Variants in MEGF11 observed in about 807,000 individuals in gnomAD.
The protein encoded by MEGF11 is multiple EGF like domains 11.
MEGF11 carries 126 observed loss-of-function variants against 146.6 expected under a neutral mutation model. That is an observed-to-expected ratio of 0.86 (90% CI 0.74 to 1.00). The LOEUF (loss-of-function observed/expected upper bound fraction) is 1.00. Ranked by LOEUF, MEGF11 falls within the 50% of genes least tolerant of loss-of-function variation. MEGF11 has a pLI of 0.00. For synonymous variants in MEGF11, 532 were observed against 583.4 expected, an observed-to-expected ratio of 0.91 and a Z score of 1.27; for missense variants, 1,509 against 1,521.2, an observed-to-expected ratio of 0.99 and a Z score of 0.13.
At chr15:66,173,210 C>G (rs548585851) in intron 1 of MEGF11, among the ~76,000 whole-genome samples, 1 of 152,334 alleles carries the variant, frequency 6.6e-6, no homozygotes, top group African/African-American at 2.4e-5. Context: ...TAGACCATCT[C>G]TACCACAAGC....
chr15:65,996,805 C>T (rs1028545982), intron 5 of MEGF11, among the ~76,000 whole-genome samples: 9 of 152,156 alleles, frequency 5.9e-5, no homozygotes, highest in African/African-American at 1.4e-4. Flanking sequence ...TTCCACAGCA[C>T]CTCTATGCTG....
chr15:66,221,009 A>G (rs112352240), intron 1 of MEGF11, among the ~76,000 whole-genome samples: 6 of 152,152 alleles, frequency 3.9e-5, no homozygotes, highest in Admixed American at 2.6e-4. Flanking sequence ...ATTAATGTCA[A>G]TTTCCTGGTT....
intron 4 of MEGF11, among the ~76,000 whole-genome samples, chr15:66,094,830 GCT>G (rs1366944619): frequency 6.6e-6 from 1 of 152,032 alleles, no homozygotes; most frequent in Admixed American, 6.5e-5. Flanking sequence ...CCACACCCCT[GCT>G]CTCTTTCCCC....
chr15:66,231,011 C>G (rs1384803095), intron 1 of MEGF11, among the ~76,000 whole-genome samples: 2 of 152,158 alleles, frequency 1.3e-5, no homozygotes, highest in Admixed American at 6.5e-5. Context: ...ACACCACTTC[C>G]TTAGGATGTT....
At chr15:65,906,264 G>A in intron 23 of MEGF11, 123 bp from the exon 24 acceptor site, 1 of 653,746 alleles carries the variant, frequency 1.5e-6, no homozygotes, top group Non-Finnish European at 2.6e-6. Context: ...ATAAATAGTT[G>A]TTTATTGCTA....
chr15:65,941,766 C>T (rs1260334638), intron 10 of MEGF11, among the ~76,000 whole-genome samples: 2 of 152,214 alleles, frequency 1.3e-5, no homozygotes, highest in East Asian at 1.9e-4. Flanking sequence ...AATCTAAAAT[C>T]TCTGGAGATG....
At chr15:66,202,057 G>C (rs2091175018) in intron 1 of MEGF11, among the ~76,000 whole-genome samples, 2 of 149,984 alleles carry the variant, frequency 1.3e-5, no homozygotes, top group Admixed American at 6.7e-5. Flanking sequence ...TTCTAGGAAA[G>C]AGGAATGGCA....
intron 4 of MEGF11, among the ~76,000 whole-genome samples, chr15:66,106,375 G>C (rs553797765): frequency 3.9e-5 from 6 of 152,094 alleles, no homozygotes; most frequent in African/African-American, 1.4e-4. Context: ...TGTGTAGGGG[G>C]AGCATTTTAC....
intron 1 of MEGF11, among the ~76,000 whole-genome samples, chr15:66,234,580 G>T (rs1322576530): frequency 6.6e-6 from 1 of 152,166 alleles, no homozygotes; most frequent in Non-Finnish European, 1.5e-5. Flanking sequence ...ACAGGCCAGG[G>T]CCCAGGCCCA....
At chr15:65,967,734 G>A (rs562357601) in intron 8 of MEGF11, among the ~76,000 whole-genome samples, 45 of 152,238 alleles carry the variant, frequency 3.0e-4, no homozygotes, top group African/African-American at 7.5e-4. Flanking sequence ...AGAAGAGGAC[G>A]GTGACTGGGG....
chr15:66,123,251 A>C (rs1425260326), intron 3 of MEGF11, among the ~76,000 whole-genome samples: 1 of 152,196 alleles, frequency 6.6e-6, no homozygotes, highest in Non-Finnish European at 1.5e-5. Flanking sequence ...TGCCATGTGC[A>C]GTTGTTCATG....
At chr15:66,161,208 T>C (rs1329282333) in intron 1 of MEGF11, among the ~76,000 whole-genome samples, 2 of 152,064 alleles carry the variant, frequency 1.3e-5, no homozygotes, top group African/African-American at 4.8e-5. Flanking sequence ...GCCGGAGCAA[T>C]GTACTGAGTG....
chr15:66,241,932 C>T (rs985587914), intron 1 of MEGF11, among the ~76,000 whole-genome samples: 8 of 152,152 alleles, frequency 5.3e-5, no homozygotes, highest in Middle Eastern at 3.2e-3. Context: ...CAAAGAGAAA[C>T]ACACCAATCT....
intron 5 of MEGF11, among the ~76,000 whole-genome samples, chr15:65,986,798 T>C (rs1406632665): frequency 3.4e-5 from 5 of 146,708 alleles, no homozygotes; most frequent in Non-Finnish European, 7.5e-5. Flanking sequence ...TTTTCCTTTT[T>C]TTTTTTTTTT....
In MEGF11 at chr15:65,929,864, G is replaced by A. The variant is rs1484915003; in HGVS notation, c.1428C>T (p.Cys476=). 3.8e-6 allele frequency: 6 copies of A among 1,598,368 alleles called. No homozygotes were observed. The highest frequency in any genetic ancestry group is 1.1e-5 in the South Asian group (1 of 88,070). ...ACGTCCCACTGGGACATGGCAGGGT[G>A]CAGTCCAGGCCCTGCCACCCTGAGG... The part of the protein sequence containing the change: ...TCKEGWQGLD[C]TLPCPSGTWG... Residue 476 remains cysteine, a synonymous_variant, in exon 12 of 26, where the codon TGC becomes TGT. Coordinates refer to ENST00000395614, the MANE Select transcript of MEGF11 (RefSeq NM_001385028.1).
At chr15:65,951,770 G>A (rs192317486) in intron 10 of MEGF11, among the ~76,000 whole-genome samples, 184 of 152,238 alleles carry the variant, frequency 1.2e-3, no homozygotes, top group African/African-American at 4.3e-3. Context: ...AGCCTAAGAT[G>A]AGAGGATTGC....
Position 65,990,387 on chromosome 15 carries a change from C to A in MEGF11, c.395-7899G>T, listed in dbSNP as rs143873461. Reference sequence around the variant, plus strand: ...GCAACGTGGCAAAACCCCATCTCTACAAAAATTATAAAAATTAGCTTGGTG... The same window carrying A: ...GCAACGTGGCAAAACCCCATCTCTAAAAAAATTATAAAAATTAGCTTGGTG... On this transcript the variant is annotated intron_variant, in intron 5 of 25. Coordinates refer to ENST00000395614, the MANE Select transcript of MEGF11 (RefSeq NM_001385028.1). 2.7e-3 allele frequency among the ~76,000 whole-genome samples: 411 copies of A among 152,062 alleles called. 10 individuals carry two copies. Among genetic ancestry groups the A allele is most frequent in the African/African-American group, 9.1e-3 (376 of 41,454 alleles).
intron 5 of MEGF11, among the ~76,000 whole-genome samples, chr15:66,093,915 C>A (rs952130915): frequency 1.3e-5 from 2 of 152,190 alleles, no homozygotes; most frequent in African/African-American, 4.8e-5. Flanking sequence ...CCTGCCCCTG[C>A]GAGTGTCCTG....
intron 5 of MEGF11, among the ~76,000 whole-genome samples, chr15:66,045,323 G>A (rs1213960833): frequency 2.0e-5 from 3 of 152,176 alleles, no homozygotes; most frequent in Non-Finnish European, 4.4e-5. Context: ...ACCCAGGAGG[G>A]CTTTTGTCCA....
Sources: allele counts gnomAD v4.1 joint callset (sites outside exome capture counted in the v4.1 genomes callset), GRCh38; gene constraint gnomAD v4.1.1; transcripts MANE v1.5; gene names NCBI Gene and HGNC (gene_info 2026-07-23, HGNC 2026-07-21).